TENM1: variants seen among roughly 807,000 people sequenced by gnomAD.
TENM1 encodes teneurin-1.
TENM1 carries 35 observed loss-of-function variants against 174.8 expected under a neutral mutation model. The ratio of observed to expected loss-of-function variants is 0.20; its 90% confidence interval spans 0.15 to 0.27. The LOEUF is 0.27. Among genes scored for constraint, TENM1 ranks in the 10% least tolerant of loss-of-function variants. The pLI is 1.00. For synonymous variants in TENM1, 781 were observed against 798.7 expected (o/e 0.98, Z 0.37); for missense variants, 1,633 against 2,130.1 (o/e 0.77, Z 4.59).
At chrX:125,017,730 T>C in the TENM1 span, among the ~76,000 whole-genome samples, 1 of 111,687 alleles carries the variant, frequency 9.0e-6, no homozygotes, top group Admixed American at 9.5e-5. Context: ...GGGACATGGA[T>C]GAAGCTGAAA....
the TENM1 span, among the ~76,000 whole-genome samples, chrX:125,076,356 A>G: frequency 2.4e-5 from 2 of 83,524 alleles, no homozygotes; most frequent in Non-Finnish European, 4.1e-5. Flanking sequence ...AAACTGATAA[A>G]AAACTTTTCA....
intron 6 of TENM1, among the ~76,000 whole-genome samples, chrX:124,661,705 C>T (rs1330729155): frequency 1.8e-5 from 2 of 111,528 alleles, no homozygotes; most frequent in Non-Finnish European, 1.9e-5. Flanking sequence ...TCTAAATTTT[C>T]GACAGCTACT....
chrX:124,812,223 A>C (rs757500827), intron 3 of TENM1, among the ~76,000 whole-genome samples: 1 of 111,274 alleles, frequency 9.0e-6, no homozygotes, highest in Non-Finnish European at 1.9e-5. Context: ...GCCATTCCAC[A>C]ATGTGTATAT....
chrX:124,709,398 T>C (rs767899238), intron 4 of TENM1, among the ~76,000 whole-genome samples: 16 of 110,705 alleles, frequency 1.4e-4, no homozygotes, highest in Non-Finnish European at 3.0e-4. Context: ...TGTTGAGGCA[T>C]AGAATAAGTA....
the TENM1 span, among the ~76,000 whole-genome samples, chrX:125,143,030 C>T: frequency 1.8e-5 from 2 of 111,867 alleles, no homozygotes; most frequent in African/African-American, 3.2e-5. Flanking sequence ...CATACACATG[C>T]AAAAGCAAAA....
the TENM1 span, among the ~76,000 whole-genome samples, chrX:125,025,259 T>A: frequency 5.7e-4 from 63 of 110,836 alleles, no homozygotes; most frequent in African/African-American, 2.0e-3. Context: ...CATACTATTG[T>A]GTTTTTCTGG....
intron 6 of TENM1, among the ~76,000 whole-genome samples, chrX:124,662,304 A>G (rs910780434): frequency 1.4e-4 from 15 of 109,334 alleles, no homozygotes; most frequent in Non-Finnish European, 2.7e-4. Context: ...GATACAAAAA[A>G]TTAGCCGGGC....
intron 17 of TENM1, among the ~76,000 whole-genome samples, chrX:124,521,164 C>A (rs1389000494): frequency 9.0e-6 from 1 of 111,612 alleles, no homozygotes; most frequent in Non-Finnish European, 1.9e-5. Flanking sequence ...GGGTCTTTTT[C>A]TTATACAGAC....
intron 11 of TENM1, among the ~76,000 whole-genome samples, chrX:124,567,017 G>T (rs964476655): frequency 7.2e-5 from 8 of 111,724 alleles, no homozygotes; most frequent in Non-Finnish European, 1.1e-4. Context: ...CTCAAAATTG[G>T]ATATAAGGGA....
chrX:125,148,094 G>C, the TENM1 span, among the ~76,000 whole-genome samples: 1 of 111,118 alleles, frequency 9.0e-6, no homozygotes, highest in South Asian at 3.8e-4. Context: ...TTTCTCACCT[G>C]TGTTTTTTAC....
At position 124,452,417 on chromosome X, in the gene TENM1, T is replaced by G. The variant is rs190020225; in HGVS notation, c.4104+920A>C. ...GAGAAATAGGAACACTTTTACACCG[T>G]TGGTGGGACTGTCAACTGGTTCAAC... On this transcript the variant is annotated intron_variant, in intron 23 of 31. Coordinates refer to ENST00000422452, the Ensembl canonical transcript of TENM1. 8.1e-3 allele frequency among the ~76,000 whole-genome samples: 910 copies of G among 112,001 alleles called. 7 individuals are homozygous for G. Among genetic ancestry groups the G allele is most frequent in the Non-Finnish European group, 0.013 (716 of 53,172 alleles).
intron 4 of TENM1, among the ~76,000 whole-genome samples, chrX:124,726,586 T>C (rs1354327629): frequency 2.7e-5 from 3 of 112,056 alleles, no homozygotes; most frequent in South Asian, 3.7e-4. Flanking sequence ...TGGCTGAAGA[T>C]AGATTTTTGC....
chrX:124,559,536 T>C (rs183625468), intron 14 of TENM1, among the ~76,000 whole-genome samples: 222 of 109,869 alleles, frequency 2.0e-3, no homozygotes, highest in African/African-American at 7.1e-3. Flanking sequence ...GGAGTGGTGG[T>C]GTGTGCCTGT....
the TENM1 span, among the ~76,000 whole-genome samples, chrX:125,050,690 C>G: frequency 2.4e-4 from 27 of 111,284 alleles, no homozygotes; most frequent in African/African-American, 8.2e-4. Context: ...AATGGGATGG[C>G]TGGGTCAAAT....
At chrX:125,127,805 C>T in the TENM1 span, among the ~76,000 whole-genome samples, 3 of 110,837 alleles carry the variant, frequency 2.7e-5, no homozygotes, top group African/African-American at 9.9e-5. Context: ...AGTCCTTGAC[C>T]TTCCAATTTG....
intron 15 of TENM1, among the ~76,000 whole-genome samples, chrX:124,545,235 A>C (rs183356671): frequency 1.2e-3 from 130 of 104,789 alleles, no homozygotes; most frequent in African/African-American, 4.2e-3. Context: ...TTACAAAAGA[A>C]TGAGGGAAAC....
the TENM1 span, among the ~76,000 whole-genome samples, chrX:124,985,515 C>G: frequency 5.4e-5 from 6 of 111,735 alleles, no homozygotes; most frequent in Non-Finnish European, 1.1e-4. Flanking sequence ...TTAGGGTATC[C>G]TGACATCGGA....
At chrX:125,118,515 T>C in the TENM1 span, among the ~76,000 whole-genome samples, 1 of 111,753 alleles carries the variant, frequency 8.9e-6, no homozygotes, top group Non-Finnish European at 1.9e-5. Context: ...TACATATATC[T>C]GGCAAAGGAC....
At chrX:124,673,721 C>T (rs1195360299) in intron 5 of TENM1, among the ~76,000 whole-genome samples, 1 of 110,374 alleles carries the variant, frequency 9.1e-6, no homozygotes, top group Admixed American at 9.7e-5. Flanking sequence ...AAGTTTCTTT[C>T]TCTCTCTCTC....
Sources: allele counts gnomAD v4.1 joint callset (sites outside exome capture counted in the v4.1 genomes callset), GRCh38; gene constraint gnomAD v4.1.1; transcripts MANE v1.5; gene names NCBI Gene and HGNC (gene_info 2026-07-23, HGNC 2026-07-21).